Variants in IRAG2 observed in about 807,000 individuals in gnomAD.
IRAG2 encodes lymphoid restricted membrane protein.
A neutral mutation model predicts 69.9 loss-of-function variants in IRAG2; 45 were observed. The ratio of observed to expected loss-of-function variants is 0.64; its 90% confidence interval spans 0.51 to 0.83. The LOEUF is 0.83. Ranked by LOEUF, IRAG2 falls within the 40% of genes least tolerant of loss-of-function variation. The pLI is 0.00. For missense variants in IRAG2, 520 were observed against 587.0 expected, an observed-to-expected ratio of 0.89 and a Z score of 1.18; for synonymous variants, 193 against 202.4, an observed-to-expected ratio of 0.95 and a Z score of 0.40.
chr12:25,076,654 G>C, intron 6 of IRAG2: 1 of 975,192 alleles, frequency 1.0e-6, no homozygotes. Flanking sequence ...CAAAATGAAG[G>C]CTTTTCTGAC....
intron 9 of IRAG2, among the ~76,000 whole-genome samples, chr12:25,027,914 A>ATGTT (rs1335955143): frequency 6.6e-6 from 1 of 150,800 alleles, no homozygotes; most frequent in Admixed American, 6.6e-5. Flanking sequence ...TGATGTTTCT[A>ATGTT]TGTTTGTTTG....
At chr12:25,083,136 C>T (rs905168562) in intron 9 of IRAG2, among the ~76,000 whole-genome samples, 7 of 152,028 alleles carry the variant, frequency 4.6e-5, no homozygotes. Context: ...GTCATGTGTT[C>T]CATTAAAAAA....
chr12:25,017,424 A>C (rs1944539452), intron 6 of IRAG2: 2 of 915,794 alleles, frequency 2.2e-6, no homozygotes, highest in Non-Finnish European at 2.8e-6. Context: ...GTGTTTTTAG[A>C]GTATATTCTC....
rs1944573479 is a variant in IRAG2 at position 25,020,928 on chromosome 12, C to G, written c.1332+21C>G. ...AATTAGTAAGTCATCTATTATAGTA[C>G]TTTGAATTTGGCGTATAATTTACAT... is the stretch of plus-strand genomic sequence containing the variant. On this transcript the variant is annotated intron_variant, in intron 7 of 38. Transcript: ENST00000636465. 3 of 1,164,090 alleles carry G rather than the reference C, an allele frequency of 2.6e-6. No individual in the cohort carries two copies. The East Asian group carries it at 9.6e-5, about 37-fold the overall frequency. 72.1% of individuals were successfully genotyped at this position (1,164,090 alleles called of 1,614,324 possible).
upstream of IRAG2, among the ~76,000 whole-genome samples, chr12:25,048,742 G>A (rs541850402): frequency 1.1e-4 from 17 of 152,098 alleles, no homozygotes; most frequent in African/African-American, 4.1e-4. Flanking sequence ...AGTTTATTTT[G>A]CTGTGCAGAA....
chr12:25,003,596 C>CT (rs915193135), upstream of IRAG2, among the ~76,000 whole-genome samples: 6 of 151,140 alleles, frequency 4.0e-5, no homozygotes, highest in Admixed American at 6.6e-5. Flanking sequence ...GAGATTATGC[C>CT]TTTTTTTTTA....
intron 14 of IRAG2, chr12:25,035,870 A>C: frequency 2.5e-6 from 1 of 398,142 alleles, no homozygotes; most frequent in Non-Finnish European, 4.4e-6. Context: ...CTGTTTGCTG[A>C]GTCCAAATGT....
At chr12:25,017,103 A>C (rs1381295766) in intron 5 of IRAG2, 1 of 1,229,736 alleles carries the variant, frequency 8.1e-7, no homozygotes, top group Non-Finnish European at 1.0e-6. Flanking sequence ...AGTGATGTGA[A>C]GGTTATTCTC....
At chr12:25,106,743 T>C (rs1226838775) in intron 20 of IRAG2, among the ~76,000 whole-genome samples, 200 bp from the exon 21 acceptor site, 2 of 21,428 alleles carry the variant, frequency 9.3e-5, no homozygotes, top group East Asian at 0.025. Flanking sequence ...GAAGAACTTA[T>C]TTTTAATTAA....
At chr12:25,061,113 C>T (rs117080107) in intron 1 of IRAG2, among the ~76,000 whole-genome samples, 1 of 152,260 alleles carries the variant, frequency 6.6e-6, no homozygotes, top group Non-Finnish European at 1.5e-5. Flanking sequence ...TTTCCCGAGT[C>T]ATAAGTTGAG....
At position 25,107,937 on chromosome 12, in the gene IRAG2, A is replaced by C; in HGVS notation, c.1377A>C (p.Thr459=). The change falls in exon 22 of 22, where the codon ACA becomes ACC. Residue 459 remains threonine, a synonymous_variant. Coordinates refer to ENST00000556887, the MANE Select transcript of IRAG2 (RefSeq NM_001366544.2). The part of the protein sequence containing the change: ...VLFAALMSFL[T]GQLFQKSVDA... ...TTGCAGCTTTGATGAGCTTCCTCAC[A>C]GGCCAATTATTCCAGAAGTCTGTGG... is the stretch of plus-strand genomic sequence containing the variant. 6.2e-7 allele frequency: 1 copy of C among 1,614,202 alleles called. No homozygotes were observed. The highest frequency in any genetic ancestry group is 8.5e-7 in the Non-Finnish European group (1 of 1,180,032).
chr12:25,015,969 A>T (rs1334345291), intron 5 of IRAG2, among the ~76,000 whole-genome samples: 1 of 151,976 alleles, frequency 6.6e-6, no homozygotes, highest in Non-Finnish European at 1.5e-5. Context: ...GCCGAGGCGG[A>T]TGGATCACTT....
chr12:25,055,463 A>AT (rs1351416073), intron 1 of IRAG2, among the ~76,000 whole-genome samples: 1 of 152,066 alleles, frequency 6.6e-6, no homozygotes, highest in East Asian at 1.9e-4. Flanking sequence ...TAAAAAGGAA[A>AT]TTTTTTTTAT....
chr12:25,038,340 A>G (rs1040027350), intron 16 of IRAG2, among the ~76,000 whole-genome samples: 22 of 152,200 alleles, frequency 1.4e-4, no homozygotes, highest in Admixed American at 6.5e-5. Flanking sequence ...CAAATGACGA[A>G]CTATAAAATC....
upstream of IRAG2, among the ~76,000 whole-genome samples, chr12:25,000,392 A>C (rs1166415587): frequency 6.6e-6 from 1 of 152,164 alleles, no homozygotes; most frequent in Admixed American, 6.5e-5. Flanking sequence ...GGTTCCAGTG[A>C]GCCGAGATTG....
chr12:25,018,946 C>T (rs1034218774), intron 6 of IRAG2, among the ~76,000 whole-genome samples: 1 of 152,208 alleles, frequency 6.6e-6, no homozygotes, highest in African/African-American at 2.4e-5. Context: ...CCAATTGTCC[C>T]ATCATAGTGT....
At chr12:25,106,171 T>C (rs557834434) in intron 20 of IRAG2, among the ~76,000 whole-genome samples, 1 of 151,940 alleles carries the variant, frequency 6.6e-6, no homozygotes, top group African/African-American at 2.4e-5. Flanking sequence ...TGATTGGAAA[T>C]CATACAGAGA....
intron 15 of IRAG2, among the ~76,000 whole-genome samples, chr12:25,037,553 C>T (rs568686213): frequency 6.6e-6 from 1 of 152,232 alleles, no homozygotes; most frequent in African/African-American, 2.4e-5. Flanking sequence ...CCCACCTCAG[C>T]CCCCCAAAGT....
Position 25,107,790 on chromosome 12 carries a change from C to G in IRAG2, c.1257-27C>G, listed in dbSNP as rs377302512. 5.0e-6 allele frequency: 8 copies of G among 1,595,884 alleles called. No homozygotes were observed. The African/African-American group carries it at 1.1e-4, about 21-fold the overall frequency. ...TTTCTAATGACAAATTACCGATTACCAAATTCTATTTGTGTTTTCCTTATA... is the reference window on the plus strand; with the variant it reads ...TTTCTAATGACAAATTACCGATTACGAAATTCTATTTGTGTTTTCCTTATA... On this transcript the variant is annotated intron_variant, in intron 21 of 21. Transcript: ENST00000556887.
Sources: gnomAD v4.1 joint callset for allele counts (sites outside exome capture counted in the v4.1 genomes callset) on GRCh38, gnomAD v4.1.1 for gene constraint, MANE v1.5 for transcripts, NCBI Gene and HGNC (gene_info 2026-07-23, HGNC 2026-07-21) for gene names.